TRPS1: variants seen among roughly 807,000 people sequenced by gnomAD.
TRPS1 encodes the protein transcriptional repressor GATA binding 1, also known as zinc finger transcription factor Trps1.
Under a neutral mutation model 101.2 loss-of-function variants are expected in TRPS1, and 6 were observed. That is an observed-to-expected ratio of 0.06 (90% CI 0.03 to 0.12). TRPS1 has a LOEUF of 0.12. Ranked by LOEUF, TRPS1 falls within the 10% of genes least tolerant of loss-of-function variation. The probability of loss-of-function intolerance (pLI) is 1.00; values close to 1 mark genes in which losing one functional copy is unlikely to be tolerated. For missense variants in TRPS1, 1,363 were observed against 1,567.0 expected (o/e 0.87, Z 2.20); for synonymous variants, 578 against 589.8 (o/e 0.98, Z 0.29).
At chr8:115,564,103 G>A (rs773788328) in intron 5 of TRPS1, among the ~76,000 whole-genome samples, 19 of 151,974 alleles carry the variant, frequency 1.3e-4, no homozygotes, top group Non-Finnish European at 2.5e-4. Context: ...TGCCAACACC[G>A]CAGAAAGAGT....
chr8:115,586,567 AT>A (rs1817564909), intron 5 of TRPS1, among the ~76,000 whole-genome samples: 1 of 152,222 alleles, frequency 6.6e-6, no homozygotes, highest in Non-Finnish European at 1.5e-5. Flanking sequence ...CATCAAGGAC[AT>A]TACATTCTTA....
chr8:115,595,192 T>C (rs1339053605), intron 4 of TRPS1, among the ~76,000 whole-genome samples: 1 of 151,978 alleles, frequency 6.6e-6, no homozygotes, highest in East Asian at 1.9e-4. Flanking sequence ...AATTTAAATG[T>C]AGTTCAAGTA....
At chr8:115,667,742 A>G in intron 1 of TRPS1, 2 of 1,256,914 alleles carry the variant, frequency 1.6e-6, no homozygotes, top group Admixed American at 2.5e-5. Flanking sequence ...CCTTTAAGGG[A>G]AAAAAGTTTG....
chr8:115,624,529 T>G (rs1818463730), intron 1 of TRPS1, among the ~76,000 whole-genome samples: 2 of 152,122 alleles, frequency 1.3e-5, no homozygotes, highest in East Asian at 1.9e-4. Flanking sequence ...TATATGTAGC[T>G]TTCCCAAAAT....
intron 5 of TRPS1, among the ~76,000 whole-genome samples, chr8:115,573,272 T>C (rs1817246443): frequency 6.6e-6 from 1 of 152,224 alleles, no homozygotes; most frequent in Non-Finnish European, 1.5e-5. Context: ...ACTTCCTCTC[T>C]GTAAAATGGA....
chr8:115,616,092 G>T (rs1818271438), intron 3 of TRPS1, among the ~76,000 whole-genome samples: 1 of 152,202 alleles, frequency 6.6e-6, no homozygotes, highest in East Asian at 1.9e-4. Context: ...ACCTCAAGGT[G>T]TTGGGGGGAG....
intron 5 of TRPS1, among the ~76,000 whole-genome samples, chr8:115,464,909 G>A: frequency 6.6e-6 from 1 of 151,992 alleles, no homozygotes; most frequent in Non-Finnish European, 1.5e-5. Context: ...CTATATCAAA[G>A]TATAACATTT....
intron 5 of TRPS1, chr8:115,492,128 G>C: frequency 4.4e-6 from 2 of 452,186 alleles, no homozygotes; most frequent in South Asian, 3.2e-5. Context: ...AAATCCAGAG[G>C]GGTGACGTTT....
At chr8:115,465,573 C>A (rs1051927591) in intron 5 of TRPS1, among the ~76,000 whole-genome samples, 1 of 152,046 alleles carries the variant, frequency 6.6e-6, no homozygotes, top group Non-Finnish European at 1.5e-5. Flanking sequence ...CTTAAATACA[C>A]CCATTGGTCT....
At chr8:115,657,791 G>A (rs528437490) in intron 1 of TRPS1, among the ~76,000 whole-genome samples, 4 of 152,090 alleles carry the variant, frequency 2.6e-5, no homozygotes, top group East Asian at 1.9e-4. Context: ...TCCATGCAAC[G>A]CATTTCCACA....
At chr8:115,428,485 T>C (rs1813242080) in intron 5 of TRPS1, among the ~76,000 whole-genome samples, 2 of 152,302 alleles carry the variant, frequency 1.3e-5, no homozygotes, top group African/African-American at 2.4e-5. Flanking sequence ...CAGCCTTGAG[T>C]CTGCTCAGCA....
chr8:115,509,763 C>A (rs986589135), intron 5 of TRPS1: 2 of 151,960 alleles, frequency 1.3e-5, no homozygotes, highest in Non-Finnish European at 2.9e-5. Context: ...CTCTCTCACT[C>A]AATATCCAGT....
chr8:115,660,198 G>A (rs1036513742), intron 1 of TRPS1, among the ~76,000 whole-genome samples: 3 of 151,914 alleles, frequency 2.0e-5, no homozygotes, highest in Admixed American at 2.0e-4. Flanking sequence ...GATATGTAGA[G>A]AAATTGAAAT....
intron 5 of TRPS1, among the ~76,000 whole-genome samples, chr8:115,575,735 A>G (rs1173405800): frequency 1.3e-5 from 2 of 152,136 alleles, no homozygotes; most frequent in African/African-American, 4.8e-5. Flanking sequence ...ATATATGAGT[A>G]ATGACATATG....
intron 5 of TRPS1, among the ~76,000 whole-genome samples, chr8:115,557,392 G>A (rs1014468662): frequency 2.6e-5 from 4 of 152,014 alleles, no homozygotes; most frequent in Admixed American, 2.0e-4. Context: ...CTCTTAATAC[G>A]GTTTGGCTAT....
At chr8:115,573,832 G>A (rs1785603900) in intron 5 of TRPS1, among the ~76,000 whole-genome samples, 1 of 152,014 alleles carries the variant, frequency 6.6e-6, no homozygotes. Flanking sequence ...AATGCCCCTT[G>A]TAATCTTACA....
At chr8:115,555,515 C>CT (rs966713777) in intron 5 of TRPS1, among the ~76,000 whole-genome samples, 23 of 147,648 alleles carry the variant, frequency 1.6e-4, no homozygotes, top group African/African-American at 2.0e-4. Flanking sequence ...GCAAGTACTT[C>CT]TTTTTTTTTT....
rs775507790 is a variant in TRPS1, at chr8:115,414,494, C to T, written c.3414G>A (p.Pro1138=). The change falls in exon 7 of 7, where the codon CCG becomes CCA. Residue 1138 remains proline (P), a synonymous_variant. Coordinates refer to ENST00000395715, the MANE Select transcript of TRPS1 (RefSeq NM_014112.5). This position sits in a 1 kb window ranked among gnomAD's most constrained non-coding sequence, Gnocchi z 4.8. ...GGCCAGGCACGTGACTCAAGTAGTGCGGATTCCCAGGAACGGAGAGCTTAT... is the reference window on the plus strand; with the variant it reads ...GGCCAGGCACGTGACTCAAGTAGTGTGGATTCCCAGGAACGGAGAGCTTAT... The part of the protein sequence containing the change: ...SKYKLSVPGN[P]HYLSHVPGLP... 8.1e-6 allele frequency: 13 copies of T among 1,613,816 alleles called. No individual in the cohort carries two copies. Among genetic ancestry groups the T allele is most frequent in the Middle Eastern group, 1.6e-4 (1 of 6,062 alleles).
At position 115,623,776 on chromosome 8, in the gene TRPS1, A is replaced by G. The variant is rs527466212; in HGVS notation, c.-121-18T>C. ...CTGTACATCTGCAAAACAAAGCAAAAGAAAAATTTTCCTTCCTAAATGATG... is the reference window on the plus strand; with the variant it reads ...CTGTACATCTGCAAAACAAAGCAAAGGAAAAATTTTCCTTCCTAAATGATG... On this transcript the variant is annotated intron_variant, in intron 1 of 6. Transcript: ENST00000395715. 4 of 1,442,184 alleles carry G rather than the reference A, an allele frequency of 2.8e-6. No individual in the cohort carries two copies. Among genetic ancestry groups the G allele is most frequent in the Admixed American group, 5.5e-5 (2 of 36,062 alleles). The allele number at this position is 1,442,184 out of a possible 1,614,324, so 89.3% of individuals were successfully genotyped here. A position where few individuals can be genotyped will look rare whatever the true frequency, so the allele number is the denominator to read the frequency against.
Sources: allele counts gnomAD v4.1 joint callset (sites outside exome capture counted in the v4.1 genomes callset), GRCh38; gene constraint gnomAD v4.1.1; non-coding constraint Gnocchi (gnomAD v3.1); transcripts MANE v1.5; gene names NCBI Gene and HGNC (gene_info 2026-07-23, HGNC 2026-07-21).